Variants in KIF27 observed in about 807,000 individuals in gnomAD.
KIF27 encodes the protein kinesin family member 27, also known as kinesin-like protein KIF27.
In KIF27, 84 loss-of-function variants were observed where a neutral mutation model predicts 141.8. The ratio of observed to expected loss-of-function variants is 0.59; its 90% CI spans 0.50 to 0.71. KIF27 has a LOEUF of 0.71. KIF27 is among the 30% of genes least tolerant of loss of function. KIF27 has a pLI of 0.00. For synonymous variants in KIF27, 471 were observed against 569.5 expected (o/e 0.83, Z 2.46); for missense variants, 1,306 against 1,628.4 (o/e 0.80, Z 3.41).
At chr9:83,904,645 A>G (rs1168954477) in intron 3 of KIF27, among the ~76,000 whole-genome samples, 1 of 152,224 alleles carries the variant, frequency 6.6e-6, no homozygotes, top group Non-Finnish European at 1.5e-5. Context: ...TGCTGGGATA[A>G]CAGGTGTGAG....
At chr9:83,910,809 A>G (rs1955076097) in intron 2 of KIF27, among the ~76,000 whole-genome samples, 1 of 152,202 alleles carries the variant, frequency 6.6e-6, no homozygotes, top group African/African-American at 2.4e-5. Context: ...AAGGAGTTAG[A>G]GCAGCTTTAC....
chr9:83,860,303 G>C (rs1331629168), intron 13 of KIF27, among the ~76,000 whole-genome samples: 1 of 152,044 alleles, frequency 6.6e-6, no homozygotes, highest in Non-Finnish European at 1.5e-5. Context: ...CTCCAAGACG[G>C]CCACCTTCAA....
intron 14 of KIF27, among the ~76,000 whole-genome samples, 195 bp from the exon 15 acceptor site, chr9:83,854,030 A>AAC: frequency 6.6e-6 from 1 of 152,274 alleles, no homozygotes; most frequent in Non-Finnish European, 1.5e-5. Context: ...CACACACATA[A>AAC]ACACACACAC....
At chr9:83,845,532 CAG>C (rs759050973) in intron 16 of KIF27, among the ~76,000 whole-genome samples, 7 of 152,166 alleles carry the variant, frequency 4.6e-5, no homozygotes, top group East Asian at 1.9e-4. Context: ...GATCAGCTGA[CAG>C]GGGAAGAGAA....
intron 10 of KIF27, among the ~76,000 whole-genome samples, chr9:83,881,573 T>C (rs1213859197): frequency 6.6e-6 from 1 of 152,224 alleles, no homozygotes; most frequent in Non-Finnish European, 1.5e-5. Flanking sequence ...CGGTTGACGT[T>C]TTCATGTGAG....
intron 13 of KIF27, among the ~76,000 whole-genome samples, chr9:83,863,234 G>C (rs1564327104): frequency 1.3e-5 from 2 of 152,134 alleles, no homozygotes; most frequent in African/African-American, 4.8e-5. Context: ...TGGTGAGAGA[G>C]GGCATCCCTG....
chr9:83,845,134 C>G (rs574895160), intron 16 of KIF27, among the ~76,000 whole-genome samples: 41 of 152,290 alleles, frequency 2.7e-4, no homozygotes, highest in Middle Eastern at 6.8e-3. Context: ...CCAGGCCCCC[C>G]ATAAGTGAAT....
intron 11 of KIF27, among the ~76,000 whole-genome samples, chr9:83,871,576 A>G (rs376109584): frequency 6.6e-6 from 1 of 152,224 alleles, no homozygotes; most frequent in African/African-American, 2.4e-5. Context: ...TGCAAAAAGA[A>G]AAGTAATGTT....
rs114906794 is a variant in KIF27, at chr9:83,836,752, G to A, written c.*249C>T. ...AATATGCCTGGAAAAACATTTAAGCGTATTTATAAATATTTAAATGTTATC... is the reference window on the plus strand; with the variant it reads ...AATATGCCTGGAAAAACATTTAAGCATATTTATAAATATTTAAATGTTATC... On this transcript the variant is annotated 3_prime_UTR_variant, in exon 18 of 18. Coordinates refer to ENST00000297814, the MANE Select transcript of KIF27 (RefSeq NM_017576.4). 1,999 of 432,540 alleles carry A rather than the reference G, an allele frequency of 4.6e-3. 35 individuals are homozygous for A. The highest frequency in any genetic ancestry group is 0.029 in the African/African-American group (1,419 of 48,468). 26.8% of individuals were successfully genotyped at this position (432,540 alleles called of 1,614,324 possible).
At chr9:83,839,419 C>A (rs1236908287) in intron 17 of KIF27, among the ~76,000 whole-genome samples, 2 of 152,092 alleles carry the variant, frequency 1.3e-5, no homozygotes, top group Non-Finnish European at 2.9e-5. Flanking sequence ...ACTCTATTAT[C>A]CTTACATATA....
chr9:83,855,071 G>C (rs2131775787), intron 14 of KIF27: 1 of 151,364 alleles, frequency 6.6e-6, no homozygotes, highest in South Asian at 2.1e-4. Flanking sequence ...CACTCACTTT[G>C]TCATCCAGGC....
At chr9:83,896,432 A>C (rs1172252998) in intron 5 of KIF27, among the ~76,000 whole-genome samples, 1 of 152,226 alleles carries the variant, frequency 6.6e-6, no homozygotes, top group East Asian at 1.9e-4. Context: ...ACCAACAATT[A>C]GGGAATTTGA....
At chr9:83,881,353 G>A (rs1263122720) in intron 10 of KIF27, among the ~76,000 whole-genome samples, 1 of 152,128 alleles carries the variant, frequency 6.6e-6, no homozygotes. Flanking sequence ...AAAGGTAAAG[G>A]GATGTCATTC....
At chr9:83,860,994 T>A (rs1588050367) in intron 13 of KIF27, among the ~76,000 whole-genome samples, 2 of 152,190 alleles carry the variant, frequency 1.3e-5, no homozygotes, top group Admixed American at 6.5e-5. Context: ...AAAGATTGCT[T>A]CAGATCTTAA....
rs12001918 is a variant in KIF27, at chr9:83,903,881, T to C, written c.637A>G (p.Ile213Val). The C allele has an allele frequency of 0.13, 214,263 of 1,613,850 alleles. 14,730 individuals carry two copies. Among genetic ancestry groups the C allele is most frequent in the African/African-American group, 0.14 (10,747 of 75,002 alleles). The change falls in exon 4 of 18, where the codon ATC (isoleucine) becomes GTC (valine). Residue 213 changes from isoleucine to valine, a missense_variant. By Grantham distance (29) the Ile-to-Val change is conservative (BLOSUM62 3). Coordinates refer to ENST00000297814, the MANE Select transcript of KIF27 (RefSeq NM_017576.4). ...HSSRSHAIFTISICQVHKNME... is the reference protein window; with the variant it reads ...HSSRSHAIFTVSICQVHKNME... ...TTTTTATGAACTTGACAAATGCTGA[T>C]TGTAAAAATTGCATGTGATCTGCTG...
chr9:83,883,372 G>C (rs974538210), intron 10 of KIF27, among the ~76,000 whole-genome samples: 8 of 152,300 alleles, frequency 5.3e-5, no homozygotes, highest in African/African-American at 1.9e-4. Context: ...GCATTAGGAA[G>C]TTAAGGATGA....
At chr9:83,848,455 T>G (rs985874682) in intron 16 of KIF27, among the ~76,000 whole-genome samples, 1 of 140,182 alleles carries the variant, frequency 7.1e-6, no homozygotes, top group Non-Finnish European at 1.5e-5. Context: ...TATATGTATA[T>G]ATCTATATCT....
intron 11 of KIF27, 75 bp downstream of exon 11, chr9:83,880,222 A>G (rs1458974512): frequency 1.8e-5 from 28 of 1,597,074 alleles, no homozygotes; most frequent in Non-Finnish European, 2.2e-5. Context: ...CAACTGAATG[A>G]AGACCATGGA....
Position 83,903,756 on chromosome 9 carries a change from C to T in KIF27, c.762G>A (p.Thr254=), listed in dbSNP as rs748682659. The change falls in exon 4 of 18, where the codon ACG becomes ACA. Residue 254 remains threonine (T), a synonymous_variant. Transcript: ENST00000297814. ...DLAGSERVTK[T]GNTGERFKES... ...CTTTGAACCGTTCACCAGTATTCCC[C>T]GTTTTGGTTACTCTTTCTGATCCTG... 8.1e-6 allele frequency: 13 copies of T among 1,614,034 alleles called. No homozygotes were observed. Among genetic ancestry groups the T allele is most frequent in the African/African-American group, 2.7e-5 (2 of 74,910 alleles).
Sources: allele counts gnomAD v4.1 joint callset (sites outside exome capture counted in the v4.1 genomes callset), GRCh38; gene constraint gnomAD v4.1.1; transcripts MANE v1.5; gene names NCBI Gene and HGNC (gene_info 2026-07-23, HGNC 2026-07-21).